THOC2: variants seen among roughly 807,000 people sequenced by gnomAD.
THOC2 encodes the protein THO complex subunit 2.
In THOC2, 10 loss-of-function variants were observed where a neutral mutation model predicts 128.4. The ratio of observed to expected loss-of-function variants is 0.08; its 90% CI spans 0.05 to 0.13. The LOEUF (loss-of-function observed/expected upper bound fraction) is 0.13, where lower values mean the gene tolerates loss of function less well. THOC2 is among the 10% of genes least tolerant of loss of function. The probability of loss-of-function intolerance (pLI) is 1.00; values close to 1 mark genes in which losing one functional copy is unlikely to be tolerated. For missense variants in THOC2, 535 were observed against 1,155.7 expected, an observed-to-expected ratio of 0.46 and a Z score of 7.79; for synonymous variants, 393 against 396.9, an observed-to-expected ratio of 0.99 and a Z score of 0.12.
At chrX:123,657,283 G>A (rs1379679647) in intron 12 of THOC2, among the ~76,000 whole-genome samples, 1 of 110,194 alleles carries the variant, frequency 9.1e-6, no homozygotes, top group Non-Finnish European at 1.9e-5. Context: ...ATGCATAATG[G>A]AAATAGCAGA....
intron 38 of THOC2, among the ~76,000 whole-genome samples, chrX:123,605,397 T>A: frequency 9.0e-6 from 1 of 110,900 alleles, no homozygotes; most frequent in African/African-American, 3.3e-5. Context: ...ATACTCAGTA[T>A]TTTTTTTAAG....
chrX:123,635,051 T>G (rs978472162), intron 19 of THOC2, among the ~76,000 whole-genome samples: 1 of 112,154 alleles, frequency 8.9e-6, no homozygotes, highest in African/African-American at 3.2e-5. Context: ...TTTCTAAGAT[T>G]CTTATTAAAT....
chrX:123,631,616 G>T, intron 22 of THOC2, 72 bp downstream of exon 22: 1 of 1,090,337 alleles, frequency 9.2e-7, no homozygotes. Context: ...GTAGTGATAT[G>T]TACTTACAGA....
chrX:123,624,508 T>C (rs745645292), intron 26 of THOC2, 33 bp downstream of exon 26: 3 of 1,183,259 alleles, frequency 2.5e-6, no homozygotes, highest in South Asian at 1.9e-5. Flanking sequence ...ATTATATACA[T>C]GGGTAAAATA....
chrX:123,624,783 G>T (rs2047201017), intron 25 of THOC2, 114 bp from the exon 26 acceptor site: 1 of 672,833 alleles, frequency 1.5e-6, no homozygotes, highest in African/African-American at 2.2e-5. Flanking sequence ...TAGTCAAAAT[G>T]TATATTCCCT....
chrX:123,732,877 C>G (rs2052338051), intron 1 of THOC2, 75 bp downstream of exon 1: 18 of 1,056,747 alleles, frequency 1.7e-5, no homozygotes, highest in Admixed American at 4.4e-5. Context: ...CCCTCAACCT[C>G]CCACTACAGG....
chrX:123,729,198 T>C (rs2052126190), intron 1 of THOC2, among the ~76,000 whole-genome samples: 1 of 112,134 alleles, frequency 8.9e-6, no homozygotes, highest in South Asian at 3.7e-4. Context: ...GTAGTCCTCC[T>C]TTGCCCTTCT....
intron 16 of THOC2, among the ~76,000 whole-genome samples, chrX:123,639,245 G>A (rs1366678417): frequency 9.0e-6 from 1 of 111,061 alleles, no homozygotes; most frequent in African/African-American, 3.3e-5. Context: ...TATTTTCTTA[G>A]GCTACATTTT....
At position 123,634,483 on chromosome X, in the gene THOC2, C is replaced by A. The variant is rs183445693; in HGVS notation, c.2019-413G>T. Among the ~76,000 whole-genome samples, 4 of 111,333 alleles carry A rather than the reference C, an allele frequency of 3.6e-5. No individual in the cohort carries two copies. In the East Asian group the frequency reaches 8.5e-4, roughly 24 times the overall value. ...AAATTATTTACATCATGGCCTTCTACCCCTAAAATTTCTAAGACTGAATTT... is the reference window on the plus strand; with the variant it reads ...AAATTATTTACATCATGGCCTTCTAACCCTAAAATTTCTAAGACTGAATTT... On this transcript the variant is annotated intron_variant, in intron 19 of 38. Transcript: ENST00000245838.
chrX:123,603,151 T>C (rs922262054), intron 38 of THOC2: 1 of 108,330 alleles, frequency 9.2e-6, no homozygotes, highest in African/African-American at 3.5e-5. Context: ...GAATAAGAAA[T>C]GGGTTCTCAA....
At chrX:123,664,329 T>G (rs1481472032) in intron 12 of THOC2, among the ~76,000 whole-genome samples, 1 of 112,011 alleles carries the variant, frequency 8.9e-6, no homozygotes, top group African/African-American at 3.2e-5. Flanking sequence ...CAAAAAGCAA[T>G]GGCAACAAAA....
At chrX:123,721,855 T>C in intron 1 of THOC2, among the ~76,000 whole-genome samples, 1 of 111,709 alleles carries the variant, frequency 9.0e-6, no homozygotes, top group East Asian at 2.8e-4. Flanking sequence ...ATTTAAAAGG[T>C]TGCATAAATA....
intron 24 of THOC2, 105 bp downstream of exon 24, chrX:123,626,416 C>T: frequency 1.2e-6 from 1 of 854,208 alleles, no homozygotes; most frequent in East Asian, 3.4e-5. Flanking sequence ...ATAGGGAACA[C>T]TGAGTTGAAA....
intron 2 of THOC2, among the ~76,000 whole-genome samples, chrX:123,707,251 TC>T (rs1190512703): frequency 1.8e-5 from 2 of 110,950 alleles, no homozygotes; most frequent in Non-Finnish European, 3.8e-5. Context: ...GCATTCTGAT[TC>T]CCCCCAAAAC....
At chrX:123,719,914 G>A (rs1171363557) in intron 1 of THOC2, among the ~76,000 whole-genome samples, 2 of 111,373 alleles carry the variant, frequency 1.8e-5, no homozygotes, top group African/African-American at 6.5e-5. Context: ...GGGCAACAAA[G>A]CAAAATGCTG....
intron 7 of THOC2, among the ~76,000 whole-genome samples, chrX:123,692,841 T>C (rs1569427131): frequency 9.0e-6 from 1 of 111,573 alleles, no homozygotes; most frequent in Non-Finnish European, 1.9e-5. Flanking sequence ...AAGTAAGGAT[T>C]TATCCTGGTC....
rs1231981400 is a variant in THOC2, at chrX:123,695,277, T to TA, written c.601+743dup. On this transcript the variant is annotated intron_variant, in intron 7 of 38. Transcript: ENST00000245838. The stretch of plus-strand genomic sequence containing the variant: ...AGATAGCACAACACCTAGTAAATAA[T>TA]AAAAAAACTCTTTCCACCTCAGGAA... 4.5e-5 allele frequency among the ~76,000 whole-genome samples: 5 copies of TA among 111,637 alleles called. No homozygotes were observed. The South Asian group carries it at 1.1e-3, about 25-fold the overall frequency.
In THOC2 at chrX:123,726,512, C is replaced by CAA. The variant is rs567231605; in HGVS notation, c.71+6438_71+6439dup. Among the ~76,000 whole-genome samples the CAA allele has an allele frequency of 7.9e-3, 415 of 52,568 alleles. 3 individuals carry two copies. Among genetic ancestry groups the CAA allele is most frequent in the Non-Finnish European group, 0.012 (326 of 26,428 alleles). The allele number at this position is 52,568 out of a possible 115,157, so 45.6% of individuals were successfully genotyped here. On this transcript the variant is annotated intron_variant, in intron 1 of 38. Transcript: ENST00000245838. ...TGGGCAACAGAGTGAGACCCTGTCT[C>CAA]AAAAAAAAAAAAAAAAAACTTCTCC...
At chrX:123,723,542 C>T (rs960107167) in intron 1 of THOC2, among the ~76,000 whole-genome samples, 4 of 110,638 alleles carry the variant, frequency 3.6e-5, no homozygotes, top group Non-Finnish European at 5.7e-5. Context: ...TTTAACAAGA[C>T]AGCATAAAAA....
Sources: allele counts gnomAD v4.1 joint callset (sites outside exome capture counted in the v4.1 genomes callset), GRCh38; gene constraint gnomAD v4.1.1; transcripts MANE v1.5; gene names NCBI Gene and HGNC (gene_info 2026-07-23, HGNC 2026-07-21).